The following ERC2 variants were observed in gnomAD, a reference collection of about 807,000 sequenced individuals.
The protein encoded by ERC2 is ELKS/RAB6-interacting/CAST family member 2.
A neutral mutation model predicts 114.8 loss-of-function variants in ERC2; 42 were observed. The ratio of observed to expected loss-of-function variants is 0.37; its 90% CI spans 0.29 to 0.47. The LOEUF (loss-of-function observed/expected upper bound fraction) is 0.47. Among genes scored for constraint, ERC2 ranks in the 20% least tolerant of loss-of-function variants. The probability of loss-of-function intolerance (pLI) is 0.99; values close to 1 mark genes in which losing one functional copy is unlikely to be tolerated. For missense variants in ERC2, 939 were observed against 1,150.7 expected (o/e 0.82, Z 2.66); for synonymous variants, 454 against 425.5 (o/e 1.07, Z -0.82).
At chr3:56,281,012 C>T (rs954627284) in intron 3 of ERC2, among the ~76,000 whole-genome samples, 9 of 152,194 alleles carry the variant, frequency 5.9e-5, no homozygotes, top group African/African-American at 2.2e-4. Flanking sequence ...AGCTTATACA[C>T]AACCCATTAA....
chr3:56,032,941 AAG>A (rs1340398812), intron 7 of ERC2, among the ~76,000 whole-genome samples: 1,160 of 103,296 alleles, frequency 0.011, 45 homozygotes, highest in South Asian at 0.013. Flanking sequence ...GAAAGAAAGA[AAG>A]AAAGAAAGAA....
At chr3:56,311,870 T>C (rs2056603481) in intron 2 of ERC2, among the ~76,000 whole-genome samples, 1 of 151,446 alleles carries the variant, frequency 6.6e-6, no homozygotes, top group Non-Finnish European at 1.5e-5. Flanking sequence ...TAAAATTATA[T>C]ACAATTGGCT....
chr3:55,837,753 T>TA lies in ERC2; in HGVS notation c.2564+50635dup, dbSNP rs567181660. On this transcript the variant is annotated intron_variant, in intron 14 of 17. Transcript: ENST00000288221. ...ATGTACCCTATAACTTAAAGTGTAA[T>TA]AAAAAAAAAGACAGAACCCGCCAGA... Among the ~76,000 whole-genome samples, 948 of 149,140 alleles carry TA rather than the reference T, an allele frequency of 6.4e-3. 7 individuals are homozygous for TA. Among genetic ancestry groups the TA allele is most frequent in the South Asian group, 0.026 (121 of 4,708 alleles).
At chr3:55,567,190 T>C (rs961902227) in intron 17 of ERC2, among the ~76,000 whole-genome samples, 4 of 152,188 alleles carry the variant, frequency 2.6e-5, no homozygotes, top group Non-Finnish European at 5.9e-5. Context: ...TAGCCAGGGT[T>C]ATGTGATGGC....
chr3:56,301,873 G>A (rs961765225), intron 2 of ERC2, among the ~76,000 whole-genome samples: 2 of 152,080 alleles, frequency 1.3e-5, no homozygotes, highest in Non-Finnish European at 2.9e-5. Context: ...TTCTACCTTG[G>A]AATCATTAAA....
intron 2 of ERC2, among the ~76,000 whole-genome samples, chr3:56,306,000 C>T (rs2056203766): frequency 6.6e-6 from 1 of 152,132 alleles, no homozygotes; most frequent in South Asian, 2.1e-4. Context: ...CAGGCATGCA[C>T]CACCATGCTG....
chr3:55,845,018 G>C (rs2061287874), intron 14 of ERC2, among the ~76,000 whole-genome samples: 9 of 152,094 alleles, frequency 5.9e-5, no homozygotes, highest in Admixed American at 5.2e-4. Context: ...ACTCAACCCA[G>C]GTTCCTCATG....
intron 12 of ERC2, among the ~76,000 whole-genome samples, chr3:55,982,654 T>G (rs569894142): frequency 1.2e-4 from 18 of 152,270 alleles, no homozygotes; most frequent in Admixed American, 6.5e-4. Flanking sequence ...CGTCAGGTAT[T>G]TTTTGGAAAT....
chr3:56,198,793 CAAAT>C (rs1310123345), intron 3 of ERC2, among the ~76,000 whole-genome samples: 2 of 151,488 alleles, frequency 1.3e-5, no homozygotes, highest in African/African-American at 4.9e-5. Context: ...GAATTATTAT[CAAAT>C]GAATGATGGT....
intron 2 of ERC2, among the ~76,000 whole-genome samples, chr3:56,341,674 T>A (rs145241306): frequency 4.8e-4 from 73 of 152,208 alleles, no homozygotes; most frequent in Non-Finnish European, 9.7e-4. Context: ...ATCATCCCAC[T>A]GTGCCCAGAA....
chr3:56,348,981 A>G (rs556625007), intron 2 of ERC2, among the ~76,000 whole-genome samples: 2 of 149,412 alleles, frequency 1.3e-5, no homozygotes, highest in East Asian at 4.0e-4. Context: ...GGAAAGAAAG[A>G]AGGAAAGAAA....
intron 17 of ERC2, among the ~76,000 whole-genome samples, chr3:55,605,411 C>T (rs1403937492): frequency 6.6e-6 from 1 of 152,162 alleles, no homozygotes; most frequent in Non-Finnish European, 1.5e-5. Context: ...ATTTTTAAAA[C>T]AAACAACAGA....
intron 17 of ERC2, among the ~76,000 whole-genome samples, chr3:55,619,265 G>A (rs775808103): frequency 6.6e-6 from 1 of 152,136 alleles, no homozygotes; most frequent in East Asian, 1.9e-4. Flanking sequence ...AAATCCGAAG[G>A]AATTTCTTTA....
At chr3:56,393,592 T>C (rs920845821) in intron 2 of ERC2, among the ~76,000 whole-genome samples, 1 of 152,182 alleles carries the variant, frequency 6.6e-6, no homozygotes, top group Non-Finnish European at 1.5e-5. Context: ...GACAATTAGC[T>C]CTTGAAACCA....
chr3:56,049,489 T>C (rs2075652737), intron 7 of ERC2, among the ~76,000 whole-genome samples: 1 of 152,198 alleles, frequency 6.6e-6, no homozygotes, highest in Non-Finnish European at 1.5e-5. Flanking sequence ...CCTAGGTGTT[T>C]CTGTGAGGGT....
At chr3:55,995,093 G>A (rs1380978205) in intron 10 of ERC2, among the ~76,000 whole-genome samples, 1 of 152,178 alleles carries the variant, frequency 6.6e-6, no homozygotes, top group African/African-American at 2.4e-5. Context: ...CCAGCACTTT[G>A]GGAGGCCAAG....
chr3:55,616,448 A>G (rs972832921), intron 17 of ERC2, among the ~76,000 whole-genome samples: 8 of 152,212 alleles, frequency 5.3e-5, no homozygotes, highest in Admixed American at 5.2e-4. Context: ...GACTGGTAAA[A>G]CAAAAATAGC....
At position 55,659,688 on chromosome 3, in the gene ERC2, A is replaced by G. The variant is rs934829230; in HGVS notation, c.*39+24106T>C. ...TCAATCTCTTCAAAAAACTAGCAGA[A>G]AGGCTTTCTGACCTCAGTCTCAACC... On this transcript the variant is annotated intron_variant, in intron 17 of 17. Transcript: ENST00000288221. Among the ~76,000 whole-genome samples the G allele has an allele frequency of 4.6e-5, 7 of 152,288 alleles. No individual in the cohort carries two copies. In the East Asian group the frequency reaches 1.2e-3, roughly 25 times the overall value.
chr3:56,268,109 A>G (rs967258416), intron 3 of ERC2, among the ~76,000 whole-genome samples: 9 of 152,234 alleles, frequency 5.9e-5, no homozygotes, highest in African/African-American at 2.2e-4. Context: ...ATGACGGACC[A>G]CATATATGAC....
Sources: gnomAD v4.1 joint callset for allele counts (sites outside exome capture counted in the v4.1 genomes callset) on GRCh38, gnomAD v4.1.1 for gene constraint, MANE v1.5 for transcripts, NCBI Gene and HGNC (gene_info 2026-07-23, HGNC 2026-07-21) for gene names.